TRHDE: variants seen among roughly 807,000 people sequenced by gnomAD.
TRHDE encodes thyrotropin releasing hormone degrading enzyme.
Under a neutral mutation model 125.7 loss-of-function variants are expected in TRHDE, and 72 were observed. That is an observed-to-expected ratio of 0.57 (90% CI 0.47 to 0.70). TRHDE has a LOEUF of 0.70. TRHDE is among the 30% of genes least tolerant of loss of function. TRHDE has a pLI of 0.00. For missense variants in TRHDE, 1,110 were observed against 1,327.1 expected (o/e 0.84, Z 2.54); for synonymous variants, 509 against 509.1 (o/e 1.00, Z 0.00).
intron 2 of TRHDE, among the ~76,000 whole-genome samples, chr12:72,108,452 A>AT (rs1206510639): frequency 4.6e-5 from 7 of 152,202 alleles, no homozygotes; most frequent in African/African-American, 1.4e-4. Flanking sequence ...TGATACATAT[A>AT]TTTTTTCAGG....
chr12:72,544,995 A>G (rs2135990800), intron 7 of TRHDE, among the ~76,000 whole-genome samples: 1 of 151,574 alleles, frequency 6.6e-6, no homozygotes, highest in South Asian at 2.1e-4. Context: ...TTCTATAGTC[A>G]TATTACCCAT....
chr12:72,271,731 GCA>G (rs1879219848), upstream of TRHDE: 1 of 366,700 alleles, frequency 2.7e-6, no homozygotes, highest in Non-Finnish European at 5.4e-6. Context: ...ATACACACAC[GCA>G]CACACGCGCA....
chr12:72,497,187 A>C (rs1877957375), intron 5 of TRHDE, among the ~76,000 whole-genome samples: 1 of 152,148 alleles, frequency 6.6e-6, no homozygotes, highest in Non-Finnish European at 1.5e-5. Flanking sequence ...CTGGTTATTG[A>C]AATTCTACTG....
chr12:72,530,504 A>C (rs745862295), intron 6 of TRHDE, among the ~76,000 whole-genome samples: 2 of 113,718 alleles, frequency 1.8e-5, no homozygotes, highest in South Asian at 2.7e-4. Context: ...ACTTTTCTCA[A>C]CCTCTAAATA....
rs190319170 is a variant in TRHDE, at chr12:72,198,585, G to C, written n.279+92833G>C. Among the ~76,000 whole-genome samples, 660 of 152,176 alleles carry C rather than the reference G, an allele frequency of 4.3e-3. 3 individuals are homozygous for C. Among genetic ancestry groups the C allele is most frequent in the South Asian group, 0.04 (191 of 4,816 alleles). On this transcript the variant is annotated intron_variant and non_coding_transcript_variant, in intron 2 of 4. Coordinates refer to the TRHDE transcript ENST00000548156. ...GCATTTTATAGTGAACTTTTGTTTT[G>C]TAGGAGCACTGGATTCTAAGCTAGA...
intron 1 of TRHDE, among the ~76,000 whole-genome samples, chr12:72,087,692 G>C (rs1310326721): frequency 1.3e-5 from 2 of 152,108 alleles, no homozygotes; most frequent in Admixed American, 6.6e-5. Context: ...GGCGGCAGTG[G>C]GTGGGTAAGA....
intron 15 of TRHDE, among the ~76,000 whole-genome samples, chr12:72,647,474 A>T (rs1458852776): frequency 6.6e-6 from 1 of 152,054 alleles, no homozygotes; most frequent in Non-Finnish European, 1.5e-5. Flanking sequence ...AGAACAAAAA[A>T]AATGGAAAAT....
At chr12:72,601,436 T>G (rs2136059410) in intron 12 of TRHDE, among the ~76,000 whole-genome samples, 1 of 152,242 alleles carries the variant, frequency 6.6e-6, no homozygotes, top group East Asian at 1.9e-4. Context: ...ATTAAAACAT[T>G]ATATAAACTT....
At chr12:72,497,631 A>G (rs1363969070) in intron 5 of TRHDE, among the ~76,000 whole-genome samples, 4 of 152,158 alleles carry the variant, frequency 2.6e-5, no homozygotes, top group Admixed American at 2.6e-4. Flanking sequence ...GTATAATTAT[A>G]ATTTCATTAT....
chr12:72,207,912 C>A (rs2139359637), intron 2 of TRHDE, among the ~76,000 whole-genome samples: 1 of 152,210 alleles, frequency 6.6e-6, no homozygotes, highest in Admixed American at 6.5e-5. Context: ...GAAGAAGAAT[C>A]CCATTAATCT....
chr12:72,216,317 AC>A (rs141235404), intron 2 of TRHDE, among the ~76,000 whole-genome samples: 20,990 of 152,146 alleles, frequency 0.14, 1,568 homozygotes, highest in South Asian at 0.25. Context: ...AGCATTGTCA[AC>A]CCATTATTTC....
intron 12 of TRHDE, among the ~76,000 whole-genome samples, chr12:72,597,745 ATAT>A (rs1272109958): frequency 1.9e-4 from 2 of 10,354 alleles, no homozygotes; most frequent in African/African-American, 5.3e-4. Context: ...ATATATATAT[ATAT>A]ATATATATAT....
intron 6 of TRHDE, among the ~76,000 whole-genome samples, chr12:72,538,855 A>G (rs186595982): frequency 1.2e-4 from 18 of 151,870 alleles, no homozygotes; most frequent in African/African-American, 4.1e-4. Flanking sequence ...GGAGTATCAC[A>G]GTTAAGTCCC....
chr12:72,194,377 T>C (rs1877397351), intron 2 of TRHDE, among the ~76,000 whole-genome samples: 1 of 152,144 alleles, frequency 6.6e-6, no homozygotes, highest in Non-Finnish European at 1.5e-5. Context: ...TCCTTGTTTT[T>C]ACACTTGCCC....
chr12:72,250,233 T>C (rs1479935058), intron 2 of TRHDE, among the ~76,000 whole-genome samples: 1 of 152,220 alleles, frequency 6.6e-6, no homozygotes, highest in Non-Finnish European at 1.5e-5. Context: ...GCTGAATTCA[T>C]TTGTCAACAT....
At chr12:72,098,391 A>G (rs1377366233) in intron 1 of TRHDE, among the ~76,000 whole-genome samples, 1 of 152,148 alleles carries the variant, frequency 6.6e-6, no homozygotes, top group Non-Finnish European at 1.5e-5. Context: ...ACATTGATGC[A>G]GTCAATCTGG....
At position 72,349,424 on chromosome 12, in the gene TRHDE, C is replaced by A. The variant is rs1870479062; in HGVS notation, c.1189-28571C>A. ...GTTATCAGAGGGACTTTATTTGATG[C>A]CTTTGGGACTTTATTGATGCCTTGA... On this transcript the variant is annotated intron_variant, in intron 2 of 18. Coordinates refer to ENST00000261180, the MANE Select transcript of TRHDE (RefSeq NM_013381.3). 2.6e-5 allele frequency among the ~76,000 whole-genome samples: 4 copies of A among 151,962 alleles called. No individual in the cohort carries two copies. In the South Asian group the frequency reaches 8.3e-4, roughly 31 times the overall value.
At chr12:72,451,097 C>A (rs963463670) in intron 3 of TRHDE, among the ~76,000 whole-genome samples, 7 of 151,888 alleles carry the variant, frequency 4.6e-5, no homozygotes, top group African/African-American at 1.7e-4. Context: ...TGATTGTTTC[C>A]TTTGCTGCAT....
chr12:72,371,584 T>C (rs909748262), intron 2 of TRHDE, among the ~76,000 whole-genome samples: 2 of 151,528 alleles, frequency 1.3e-5, no homozygotes, highest in Non-Finnish European at 2.9e-5. Context: ...ATGTTCCCCT[T>C]CCTGTGTCCA....
Sources: allele counts gnomAD v4.1 joint callset (sites outside exome capture counted in the v4.1 genomes callset), GRCh38; gene constraint gnomAD v4.1.1; transcripts MANE v1.5; gene names NCBI Gene and HGNC (gene_info 2026-07-23, HGNC 2026-07-21).